CARMIL2: variants seen among roughly 807,000 people sequenced by gnomAD.
The protein encoded by CARMIL2 is capping protein regulator and myosin 1 linker 2.
In CARMIL2, 96 loss-of-function variants were observed where a neutral mutation model predicts 173.3. The ratio of observed to expected loss-of-function variants is 0.55; its 90% CI spans 0.47 to 0.66. The LOEUF (loss-of-function observed/expected upper bound fraction) is 0.66, where lower values mean the gene tolerates loss of function less well. Ranked by LOEUF, CARMIL2 falls within the 30% of genes least tolerant of loss-of-function variation. The probability of loss-of-function intolerance (pLI) is 0.00; values close to 1 mark genes in which losing one functional copy is unlikely to be tolerated. For synonymous variants in CARMIL2, 830 were observed against 817.1 expected (o/e 1.02, Z -0.27); for missense variants, 1,771 against 1,906.7 (o/e 0.93, Z 1.33).
Position 67,651,019 on chromosome 16 carries a change from A to G in CARMIL2, c.2185-168A>G. The G allele has an allele frequency of 2.8e-6, 2 of 704,908 alleles. No homozygotes were observed. The highest frequency in any genetic ancestry group is 4.6e-6 in the Non-Finnish European group (2 of 435,004). 43.7% of individuals were successfully genotyped at this position (704,908 alleles called of 1,614,324 possible). On this transcript the variant is annotated intron_variant, in intron 22 of 37. Coordinates refer to ENST00000334583, the MANE Select transcript of CARMIL2 (RefSeq NM_001013838.3). This position sits in a 1 kb window ranked among gnomAD's most constrained non-coding sequence, Gnocchi z 4.2. ...TATATAAAGTCCTTAAAATGAACCA[A>G]AGCAACAGATAGTTCCTTCCCTCCT...
chr16:67,647,443 G>A (rs2052615945), intron 10 of CARMIL2, 56 bp downstream of exon 10: 4 of 1,556,512 alleles, frequency 2.6e-6, no homozygotes, highest in African/African-American at 2.7e-5. Flanking sequence ...GGGACTGGGG[G>A]CTAGTGGCCT....
In CARMIL2 at chr16:67,648,831, T is replaced by A; in HGVS notation, c.1510-62T>A. ...CGGAAGGGCAGGGCCGTGGGCCGCC[T>A]GCCCCTCCCCACTCGCGGCCTAAGT... On this transcript the variant is annotated intron_variant, in intron 16 of 37. Transcript: ENST00000334583. This position sits in a 1 kb window ranked among gnomAD's most constrained non-coding sequence, Gnocchi z 6.1. The A allele has an allele frequency of 6.4e-7, 1 of 1,568,764 alleles. No individual in the cohort carries two copies. Among genetic ancestry groups the A allele is most frequent in the Non-Finnish European group, 8.6e-7 (1 of 1,156,658 alleles).
intron 3 of CARMIL2, 36 bp downstream of exon 3, chr16:67,645,813 A>G (rs1462551682): frequency 1.2e-6 from 2 of 1,608,136 alleles, no homozygotes; most frequent in Non-Finnish European, 8.5e-7. Context: ...CCCGCCCGCC[A>G]GCAGCTACCT....
intron 32 of CARMIL2, 69 bp from the exon 33 acceptor site, chr16:67,655,962 A>G: frequency 6.5e-7 from 1 of 1,537,638 alleles, no homozygotes. Flanking sequence ...TTATAAGAAC[A>G]AGAACGAACA....
Position 67,652,875 on chromosome 16 carries a change from G to A in CARMIL2, c.2885-144G>A. The A allele has an allele frequency of 4.7e-6, 1 of 212,610 alleles. No homozygotes were observed. 13.2% of individuals were successfully genotyped at this position (212,610 alleles called of 1,614,324 possible). On this transcript the variant is annotated intron_variant, in intron 28 of 37. Coordinates refer to ENST00000334583, the MANE Select transcript of CARMIL2 (RefSeq NM_001013838.3). The surrounding 1 kb of genome is among the most constrained non-coding windows in gnomAD (Gnocchi z 4.7). ...ACGGACAGCGGCGGCGGCGGGGGAG[G>A]GGCGGAGGGGCAGAGGGGCGGGGGG...
At position 67,647,496 on chromosome 16, in the gene CARMIL2, T is replaced by A; in HGVS notation, c.777-12T>A. 3.8e-6 allele frequency: 6 copies of A among 1,592,286 alleles called. No individual in the cohort carries two copies. The highest frequency in any genetic ancestry group is 5.1e-6 in the Non-Finnish European group (6 of 1,169,686). On this transcript the variant is annotated splice_polypyrimidine_tract_variant and intron_variant, in intron 10 of 37. Coordinates refer to ENST00000334583, the MANE Select transcript of CARMIL2 (RefSeq NM_001013838.3). Reference sequence around the variant, plus strand: ...CAGGGGCAGAATCTCATGCCTGGGGTCTGGTCCCCAGAGACTTTGTCCGAC... The same window carrying A: ...CAGGGGCAGAATCTCATGCCTGGGGACTGGTCCCCAGAGACTTTGTCCGAC...
Position 67,646,423 on chromosome 16 carries a change from C to T in CARMIL2, c.375-3C>T. 4 of 1,613,236 alleles carry T rather than the reference C, an allele frequency of 2.5e-6. No individual in the cohort carries two copies. Among genetic ancestry groups the T allele is most frequent in the Non-Finnish European group, 2.5e-6 (3 of 1,179,584 alleles). ...TGCCCCCTTCTCCTTAACCCCCTAC[C>T]AGGAAGCTATTCCGGAGGCCCACAC... is the stretch of plus-strand genomic sequence containing the variant. On this transcript the variant is annotated splice_polypyrimidine_tract_variant and splice_region_variant and intron_variant, in intron 5 of 37. Transcript: ENST00000334583. The surrounding 1 kb of genome is among the most constrained non-coding windows in gnomAD (Gnocchi z 4.6).
Position 67,649,937 on chromosome 16 carries a change from G to T in CARMIL2, c.2051G>T (p.Arg684Leu), listed in dbSNP as rs181809876. 21 of 1,613,028 alleles carry T rather than the reference G, an allele frequency of 1.3e-5. No homozygotes were observed. In the Middle Eastern group the frequency reaches 4.9e-4, roughly 38 times the overall value. ...GACGTGGCCCAGGCGCAGCGCAGCC[G>T]CCCGGAACTGACAGCACGTGCAGTC... ...LNDVAQAQRS[R>L]PELTARAVHQ... The change falls in exon 21 of 38, where the codon CGC becomes CTC. Residue 684 changes from arginine to leucine, a missense_variant. This residue lies in a region of CARMIL2 where 944 missense variants were observed against 975.6 expected (regional missense o/e 0.97). Transcript: ENST00000334583. The surrounding 1 kb of genome is among the most constrained non-coding windows in gnomAD (Gnocchi z 6.7).
chr16:67,652,531 C>A lies in CARMIL2; in HGVS notation c.2877C>A (p.Phe959Leu), dbSNP rs1360804097. Residue 959 changes from phenylalanine to leucine, a missense_variant, in exon 28 of 38, where the codon TTC becomes TTA. Transcript: ENST00000334583. This position sits in a 1 kb window ranked among gnomAD's most constrained non-coding sequence, Gnocchi z 4.7. ...ELSHGLHLVP[F>L]IHSAAEEAEP... ...GCCACGGTCTTCACCTGGTCCCCTT[C>A]ATTCACAGTAAGTCAGGGCCTTGGG... The A allele has an allele frequency of 6.2e-7, 1 of 1,613,484 alleles. No homozygotes were observed. Among genetic ancestry groups the A allele is most frequent in the Non-Finnish European group, 8.5e-7 (1 of 1,179,738 alleles).
intron 36 of CARMIL2, 109 bp downstream of exon 36, chr16:67,656,990 GGT>G: frequency 1.1e-6 from 1 of 932,724 alleles, no homozygotes; most frequent in Non-Finnish European, 1.6e-6. Context: ...CAGTGTGTGA[GGT>G]CTCAAGAAAT....
chr16:67,652,287 G>C lies in CARMIL2; in HGVS notation c.2765G>C (p.Gly922Ala). 6.2e-7 allele frequency: 1 copy of C among 1,613,358 alleles called. No individual in the cohort carries two copies. Among genetic ancestry groups the C allele is most frequent in the South Asian group, 1.1e-5 (1 of 91,088 alleles). Residue 922 changes from glycine to alanine, a missense_variant, in exon 27 of 38, where the codon GGG becomes GCG. Transcript: ENST00000334583. The surrounding 1 kb of genome is among the most constrained non-coding windows in gnomAD (Gnocchi z 4.7). ...GGTGAGCCCAGCCTCCTTGAGCCTG[G>C]GGAATTGGAAGGTCTTTTCTTCCCC... ...DGGEPSLLEPGELEGLFFPEE... is the reference protein window; with the variant it reads ...DGGEPSLLEPAELEGLFFPEE...
Position 67,656,523 on chromosome 16 carries a change from G to T in CARMIL2, c.3914G>T (p.Trp1305Leu). 6.2e-7 allele frequency: 1 copy of T among 1,613,512 alleles called. No homozygotes were observed. Among genetic ancestry groups the T allele is most frequent in the Non-Finnish European group, 8.5e-7 (1 of 1,179,808 alleles). The change falls in exon 35 of 38, where the codon TGG (tryptophan) becomes TTG (leucine). Residue 1305 changes from tryptophan (W) to leucine (L), a missense_variant. Trp to Leu is a moderately conservative substitution (Grantham distance 61). This residue lies in a region of CARMIL2 where 817 missense variants were observed against 903.5 expected (regional missense o/e 0.90). Coordinates refer to ENST00000334583, the MANE Select transcript of CARMIL2 (RefSeq NM_001013838.3). ...QLNAELRSRG[W>L]GQQDGPGPPS... ...AATGCGGAGCTCAGGAGCCGTGGTT[G>T]GGGCCAACAGGATGGTCCAGGCCCT...
chr16:67,651,758 A>AT lies in CARMIL2; in HGVS notation c.2501_2502insT (p.Glu834AspfsTer28), dbSNP rs2052726699. On this transcript the variant is annotated frameshift_variant, in exon 25 of 38. Transcript: ENST00000334583. LOFTEE classifies it high-confidence loss of function. The surrounding 1 kb of genome is among the most constrained non-coding windows in gnomAD (Gnocchi z 4.2). The stretch of plus-strand genomic sequence containing the variant: ...ATGCTGCAGGGATCCAGCTGGAGGG[A>AT]GCAGCTAGAGGGGGTCCTGGCAGGC... The AT allele has an allele frequency of 1.2e-6, 2 of 1,606,264 alleles. No individual in the cohort carries two copies. The highest frequency in any genetic ancestry group is 3.4e-5 in the Admixed American group (2 of 58,476).
chr16:67,650,171 C>A, intron 22 of CARMIL2, 21 bp downstream of exon 22: 1 of 1,589,820 alleles, frequency 6.3e-7, no homozygotes, highest in Non-Finnish European at 8.6e-7. Context: ...CCTCCCCAAC[C>A]ACGAGAGGTA....
chr16:67,648,877 C>A lies in CARMIL2; in HGVS notation c.1510-16C>A, dbSNP rs752440285. ...TAAGTGGGTCCCACTTCCCACCTCC[C>A]ACCTCCCACATACAGCTGCGCTCGG... On this transcript the variant is annotated splice_polypyrimidine_tract_variant and intron_variant, in intron 16 of 37. Coordinates refer to ENST00000334583, the MANE Select transcript of CARMIL2 (RefSeq NM_001013838.3). This position sits in a 1 kb window ranked among gnomAD's most constrained non-coding sequence, Gnocchi z 6.1. 1.3e-6 allele frequency: 2 copies of A among 1,598,068 alleles called. No individual in the cohort carries two copies. Among genetic ancestry groups the A allele is most frequent in the Non-Finnish European group, 1.7e-6 (2 of 1,173,006 alleles).
rs775086504 is a variant in CARMIL2, at chr16:67,646,808, G to T, written c.537+24G>T. ...GGGTGAGGGTAGGGCCCTTTTGAAG[G>T]GCTCTGGAGACATCTGGTCCCCCAT... is the stretch of plus-strand genomic sequence containing the variant. On this transcript the variant is annotated intron_variant, in intron 7 of 37. Transcript: ENST00000334583. This position sits in a 1 kb window ranked among gnomAD's most constrained non-coding sequence, Gnocchi z 4.6. The T allele has an allele frequency of 6.2e-7, 1 of 1,613,478 alleles. No homozygotes were observed. Among genetic ancestry groups the T allele is most frequent in the South Asian group, 1.1e-5 (1 of 91,074 alleles).
chr16:67,647,504 C>T lies in CARMIL2; in HGVS notation c.777-4C>T. ...GAATCTCATGCCTGGGGTCTGGTCC[C>T]CAGAGACTTTGTCCGACGACTGGCC... On this transcript the variant is annotated splice_region_variant and splice_polypyrimidine_tract_variant and intron_variant, in intron 10 of 37. Transcript: ENST00000334583. 6.3e-7 allele frequency: 1 copy of T among 1,599,832 alleles called. No individual in the cohort carries two copies. Among genetic ancestry groups the T allele is most frequent in the Non-Finnish European group, 8.5e-7 (1 of 1,173,700 alleles).
At position 67,648,970 on chromosome 16, in the gene CARMIL2, T is replaced by C. The variant is rs1340612718; in HGVS notation, c.1587T>C (p.Asp529=). ...CTGTGAGCTCCCTGGATCTGGCGGA[T>C]AACGGTGAGGCTGCAGGAGAGCCCA... ...AGAVSSLDLA[D]NGFGSDMVTL... The change falls in exon 17 of 38, where the codon GAT becomes GAC. Residue 529 remains aspartate, a synonymous_variant. Transcript: ENST00000334583. This position sits in a 1 kb window ranked among gnomAD's most constrained non-coding sequence, Gnocchi z 6.1. 3.7e-6 allele frequency: 6 copies of C among 1,608,766 alleles called. No homozygotes were observed. In the Admixed American group the frequency reaches 1.0e-4, roughly 27 times the overall value.
In CARMIL2 at chr16:67,651,406, C is replaced by G. The variant is rs1259747038; in HGVS notation, c.2319C>G (p.Leu773=). 3 of 1,592,010 alleles carry G rather than the reference C, an allele frequency of 1.9e-6. No homozygotes were observed. In the East Asian group the frequency reaches 6.7e-5, roughly 36 times the overall value. ...IQNANFSLSI[L]PILYEAGSSP... The stretch of plus-strand genomic sequence containing the variant: ...TTTTCCTCTTTGGCCCTCAGATTCT[C>G]CCCATTCTATATGAAGCTGGAAGCT... Residue 773 remains leucine (L), a synonymous_variant, in exon 24 of 38, where the codon CTC becomes CTG. Transcript: ENST00000334583. This position sits in a 1 kb window ranked among gnomAD's most constrained non-coding sequence, Gnocchi z 4.2.
Sources: gnomAD v4.1 joint callset for allele counts on GRCh38, gnomAD v4.1.1 for gene constraint, gnomAD v4.1.1 regional missense constraint, Gnocchi (gnomAD v3.1) non-coding constraint, MANE v1.5 for transcripts, NCBI Gene and HGNC (gene_info 2026-07-23, HGNC 2026-07-21) for gene names.